Variants in EIF4E2 observed in about 807,000 individuals in gnomAD.
The protein encoded by EIF4E2 is eukaryotic translation initiation factor 4E family member 2.
In EIF4E2, 13 loss-of-function variants were observed where a neutral mutation model predicts 34.2. The observed-to-expected ratio is 0.38, with a 90% CI of 0.25 to 0.60. The LOEUF (loss-of-function observed/expected upper bound fraction) is 0.60, where lower values mean the gene tolerates loss of function less well. EIF4E2 is among the 20% of genes least tolerant of loss of function. The probability of loss-of-function intolerance (pLI) is 0.62; values close to 1 mark genes in which losing one functional copy is unlikely to be tolerated. For missense variants in EIF4E2, 222 were observed against 315.1 expected (o/e 0.70, Z 2.24); for synonymous variants, 100 against 106.6 (o/e 0.94, Z 0.38).
chr2:232,560,776 C>T (rs1211678372), intron 3 of EIF4E2, among the ~76,000 whole-genome samples: 1 of 152,172 alleles, frequency 6.6e-6, no homozygotes, highest in Non-Finnish European at 1.5e-5. Context: ...AAATCAACAT[C>T]ATTACTATGC....
At chr2:232,568,784 G>C in intron 6 of EIF4E2, 161 bp from the exon 7 acceptor site, 1 of 985,410 alleles carries the variant, frequency 1.0e-6, no homozygotes, top group Non-Finnish European at 1.2e-6. Flanking sequence ...AGAAAGACTG[G>C]CCTGCTGCTC....
chr2:232,560,169 A>G (rs1485847723), intron 3 of EIF4E2, among the ~76,000 whole-genome samples: 1 of 152,098 alleles, frequency 6.6e-6, no homozygotes, highest in East Asian at 1.9e-4. Context: ...CTTCCCCCAT[A>G]CCTTGCCCTA....
chr2:232,580,900 T>A (rs1693338929), intron 6 of EIF4E2: 1 of 1,548,510 alleles, frequency 6.5e-7, no homozygotes, highest in East Asian at 2.4e-5. Flanking sequence ...TTTTTTTCTT[T>A]CAGGGACAAT....
Position 232,550,733 on chromosome 2 carries a change from C to T in EIF4E2, c.9C>T (p.Asn3=), listed in dbSNP as rs370961236. The change falls in exon 1 of 7, where the codon AAC becomes AAT. Residue 3 remains asparagine, a synonymous_variant. Transcript: ENST00000258416. The part of the protein sequence containing the change: MN[N]KFDALKDDDS... ...ACAGCGGCGGCGAGAGGATGAACAA[C>T]AAGTTCGACGCGTGAGTGGCTCGTG... 4.4e-6 allele frequency: 7 copies of T among 1,585,906 alleles called. No homozygotes were observed. Among genetic ancestry groups the T allele is most frequent in the Admixed American group, 1.8e-5 (1 of 56,396 alleles).
intron 6 of EIF4E2, chr2:232,568,050 G>GGCTCCCACT (rs1436604709): frequency 1.0e-6 from 1 of 984,374 alleles, no homozygotes; most frequent in Non-Finnish European, 1.2e-6. Context: ...GTGGGAGACA[G>GGCTCCCACT]TACTTTATCT....
At chr2:232,574,335 A>G (rs1448997403) in intron 6 of EIF4E2, 23 of 1,550,458 alleles carry the variant, frequency 1.5e-5, no homozygotes, top group Non-Finnish European at 2.0e-5. Context: ...TGTCTCTCAC[A>G]CTCAGGGTAG....
intron 1 of EIF4E2, among the ~76,000 whole-genome samples, chr2:232,551,969 C>G (rs1692350898): frequency 6.6e-6 from 1 of 152,130 alleles, no homozygotes; most frequent in African/African-American, 2.4e-5. Flanking sequence ...ACCTCTCCCC[C>G]GCTGCCGCCC....
At position 232,581,353 on chromosome 2, in the gene EIF4E2, A is replaced by G; in HGVS notation, c.*410A>G. On this transcript the variant is annotated 3_prime_UTR_variant, in exon 7 of 7. Transcript: ENST00000409098. This position sits in a 1 kb window ranked among gnomAD's most constrained non-coding sequence, Gnocchi z 5.2. The stretch of plus-strand genomic sequence containing the variant: ...TATGAATGTCTGTGCATCCAGGAAA[A>G]GTGTTCTGTTGGAGAGTCCCAAAAT... 2.8e-6 allele frequency: 1 copy of G among 353,250 alleles called. No homozygotes were observed. The highest frequency in any genetic ancestry group is 5.5e-6 in the Non-Finnish European group (1 of 181,070). The allele number at this position is 353,250 out of a possible 1,614,324, so 21.9% of individuals were successfully genotyped here.
At chr2:232,564,218 T>C in intron 3 of EIF4E2, 29 bp from the exon 4 acceptor site, 1 of 1,494,036 alleles carries the variant, frequency 6.7e-7, no homozygotes, top group Admixed American at 2.0e-5. Flanking sequence ...AAGACACATG[T>C]TTTTTACTCT....
At chr2:232,554,686 T>G (rs1201451) in intron 1 of EIF4E2, among the ~76,000 whole-genome samples, 119,041 of 152,122 alleles carry the variant, frequency 0.78, 47,362 homozygotes, top group Middle Eastern at 0.91. Context: ...CAGAGAGATG[T>G]TAGCATTAGC....
downstream of EIF4E2, among the ~76,000 whole-genome samples, chr2:232,572,751 C>T (rs747755136): frequency 1.3e-5 from 2 of 152,116 alleles, no homozygotes; most frequent in Non-Finnish European, 2.9e-5. Flanking sequence ...GAATGTAATA[C>T]TGGAATGGAG....
rs770259146 is a variant in EIF4E2, at chr2:232,566,331, C to T, written c.376-498C>T. On this transcript the variant is annotated intron_variant, in intron 4 of 6. Coordinates refer to ENST00000258416, the MANE Select transcript of EIF4E2 (RefSeq NM_004846.4). The surrounding 1 kb of genome is among the most constrained non-coding windows in gnomAD (Gnocchi z 4.9). ...CCTCCCGAGTAGCTGGGACTACAGG[C>T]GCCCACCACCATGCCCGGCTAATTT... Among the ~76,000 whole-genome samples the T allele has an allele frequency of 2.6e-5, 4 of 152,128 alleles. No individual in the cohort carries two copies. The highest frequency in any genetic ancestry group is 9.6e-5 in the African/African-American group (4 of 41,458).
intron 4 of EIF4E2, among the ~76,000 whole-genome samples, chr2:232,565,820 G>A (rs1005984583): frequency 6.6e-6 from 1 of 151,890 alleles, no homozygotes; most frequent in African/African-American, 2.4e-5. Context: ...TCAGCCAGGC[G>A]CAGTGGCTCA....
intron 1 of EIF4E2, among the ~76,000 whole-genome samples, chr2:232,554,303 CAG>C (rs1354278131): frequency 1.3e-5 from 2 of 152,152 alleles, no homozygotes; most frequent in Non-Finnish European, 2.9e-5. Flanking sequence ...ATGAGCATAA[CAG>C]AAGGATAAAA....
intron 1 of EIF4E2, among the ~76,000 whole-genome samples, chr2:232,555,389 C>A (rs986273061): frequency 5.3e-5 from 8 of 152,176 alleles, no homozygotes; most frequent in South Asian, 4.1e-4. Flanking sequence ...TTCCATTTAT[C>A]TTTTTGTCTG....
intron 6 of EIF4E2, among the ~76,000 whole-genome samples, chr2:232,580,270 G>A (rs1257192827): frequency 1.3e-5 from 2 of 152,118 alleles, no homozygotes; most frequent in East Asian, 3.9e-4. Context: ...TTTGTTGGTT[G>A]GTTGGTTTTT....
chr2:232,563,808 G>A (rs1729251), intron 3 of EIF4E2, among the ~76,000 whole-genome samples: 46,435 of 152,064 alleles, frequency 0.31, 7,625 homozygotes, highest in Admixed American at 0.41. Context: ...ATCTTTCATC[G>A]GTAAGTGATT....
chr2:232,579,161 CACA>C (rs1693288114), intron 6 of EIF4E2, among the ~76,000 whole-genome samples: 1 of 129,944 alleles, frequency 7.7e-6, no homozygotes, highest in South Asian at 2.5e-4. Context: ...CACACACACA[CACA>C]CACCAGTTAT....
At chr2:232,569,472 C>T (rs944737973), downstream of EIF4E2, among the ~76,000 whole-genome samples, 2 of 152,116 alleles carry the variant, frequency 1.3e-5, no homozygotes, top group Non-Finnish European at 2.9e-5. Flanking sequence ...CTAGTCACAC[C>T]GATGACCAGA....
Sources: gnomAD v4.1 joint callset for allele counts (sites outside exome capture counted in the v4.1 genomes callset) on GRCh38, gnomAD v4.1.1 for gene constraint, Gnocchi (gnomAD v3.1) non-coding constraint, MANE v1.5 for transcripts, NCBI Gene and HGNC (gene_info 2026-07-23, HGNC 2026-07-21) for gene names.